NAALADL2: variants seen among roughly 807,000 people sequenced by gnomAD.
The protein encoded by NAALADL2 is N-acetylated alpha-linked acidic dipeptidase like 2, also known as inactive N-acetylated-alpha-linked acidic dipeptidase-like protein 2.
In NAALADL2, 76 loss-of-function variants were observed where a neutral mutation model predicts 87.2. The observed-to-expected ratio is 0.87, with a 90% CI of 0.72 to 1.05. The LOEUF is 1.05. Among genes scored for constraint, NAALADL2 ranks in the 50% least tolerant of loss-of-function variants. The pLI is 0.00. For missense variants in NAALADL2, 1,089 were observed against 945.8 expected, an observed-to-expected ratio of 1.15 and a Z score of -1.99; for synonymous variants, 354 against 331.0, an observed-to-expected ratio of 1.07 and a Z score of -0.75.
At chr3:175,267,033 G>T (rs1458978978) in intron 4 of NAALADL2, among the ~76,000 whole-genome samples, 1 of 104,872 alleles carries the variant, frequency 9.5e-6, no homozygotes, top group Non-Finnish European at 2.0e-5. Context: ...AGTAAAACTA[G>T]TAAAAAAAAA....
intron 5 of NAALADL2, among the ~76,000 whole-genome samples, chr3:175,345,278 C>A (rs556225969): frequency 6.9e-6 from 1 of 145,778 alleles, no homozygotes; most frequent in South Asian, 2.2e-4. Context: ...TTCCATGATT[C>A]CATGGAATCA....
At chr3:174,752,275 C>T (rs1438117517) in intron 3 of NAALADL2, among the ~76,000 whole-genome samples, 1 of 152,102 alleles carries the variant, frequency 6.6e-6, no homozygotes, top group Non-Finnish European at 1.5e-5. Flanking sequence ...CGCGCCCGGC[C>T]CAGATCTTTA....
intron 1 of NAALADL2, among the ~76,000 whole-genome samples, chr3:174,976,363 CAT>C (rs1392376340): frequency 1.3e-5 from 2 of 152,054 alleles, no homozygotes; most frequent in Non-Finnish European, 2.9e-5. Flanking sequence ...TTTAAGTACA[CAT>C]AAGTAAAACA....
chr3:175,008,043 G>T (rs1223073256), intron 1 of NAALADL2, among the ~76,000 whole-genome samples: 3 of 152,078 alleles, frequency 2.0e-5, no homozygotes, highest in Admixed American at 1.3e-4. Context: ...GATGGCTTGA[G>T]ATTTCATTAC....
intron 1 of NAALADL2, chr3:174,513,467 A>AATTTCATG (rs1429637011): frequency 3.9e-5 from 6 of 152,166 alleles, no homozygotes; most frequent in African/African-American, 1.4e-4. Flanking sequence ...ATTTCATGTA[A>AATTTCATG]ATTTCAAATA....
At chr3:175,764,718 A>G (rs1748463821) in intron 13 of NAALADL2, among the ~76,000 whole-genome samples, 1 of 152,180 alleles carries the variant, frequency 6.6e-6, no homozygotes, top group Non-Finnish European at 1.5e-5. Flanking sequence ...TAGGCAAGCA[A>G]TGAAATGAGA....
chr3:175,159,831 C>T (rs1225740128), intron 2 of NAALADL2, among the ~76,000 whole-genome samples: 2 of 150,528 alleles, frequency 1.3e-5, no homozygotes, highest in Non-Finnish European at 3.0e-5. Flanking sequence ...CTCTCTCTCT[C>T]TTTTCTTTTT....
chr3:175,370,987 A>T (rs1766406623), intron 5 of NAALADL2, among the ~76,000 whole-genome samples: 1 of 152,136 alleles, frequency 6.6e-6, no homozygotes, highest in Admixed American at 6.6e-5. Flanking sequence ...GAAATGTCTG[A>T]CAACACTGTT....
intron 1 of NAALADL2, among the ~76,000 whole-genome samples, chr3:174,961,982 A>C (rs1041573333): frequency 1.7e-5 from 2 of 120,572 alleles, no homozygotes; most frequent in Non-Finnish European, 4.3e-5. Context: ...GTGTGATGGC[A>C]TGTCACTTCT....
At chr3:174,614,070 T>C (rs1479132731) in intron 2 of NAALADL2, among the ~76,000 whole-genome samples, 1 of 152,118 alleles carries the variant, frequency 6.6e-6, no homozygotes, top group Non-Finnish European at 1.5e-5. Context: ...GGAGACAAAG[T>C]CCTCTTCACT....
intron 2 of NAALADL2, among the ~76,000 whole-genome samples, chr3:175,149,620 A>G (rs1381311805): frequency 6.6e-6 from 1 of 152,190 alleles, no homozygotes; most frequent in Non-Finnish European, 1.5e-5. Flanking sequence ...TTTGAGGATA[A>G]TTCATGACAC....
At chr3:174,698,043 A>G (rs1414917313) in intron 2 of NAALADL2, among the ~76,000 whole-genome samples, 1 of 152,178 alleles carries the variant, frequency 6.6e-6, no homozygotes, top group Non-Finnish European at 1.5e-5. Context: ...GTGAGCCAAG[A>G]TCCTGCCACT....
At chr3:175,452,496 T>C (rs1721729901) in intron 6 of NAALADL2, among the ~76,000 whole-genome samples, 1 of 152,170 alleles carries the variant, frequency 6.6e-6, no homozygotes, top group Non-Finnish European at 1.5e-5. Context: ...CCAATCAACA[T>C]GGAGGAAAAT....
intron 13 of NAALADL2, among the ~76,000 whole-genome samples, chr3:175,802,655 T>TAC (rs1172987213): frequency 1.6e-5 from 2 of 126,456 alleles, no homozygotes; most frequent in African/African-American, 7.2e-5. Flanking sequence ...GTATAATTTA[T>TAC]TTTTTTCTGT....
At chr3:175,667,241 A>AAGAAAGAGAGAG (rs1182682303) in intron 11 of NAALADL2, among the ~76,000 whole-genome samples, 1 of 91,716 alleles carries the variant, frequency 1.1e-5, no homozygotes, top group African/African-American at 5.1e-5. Flanking sequence ...GAAAGAAAGA[A>AAGAAAGAGAGAG]AAAGAAAGAA....
intron 2 of NAALADL2, among the ~76,000 whole-genome samples, chr3:174,712,086 C>T (rs528586138): frequency 3.3e-5 from 5 of 152,018 alleles, no homozygotes; most frequent in South Asian, 2.1e-4. Flanking sequence ...CGCGCCCTGG[C>T]CTAACATATG....
chr3:175,294,882 G>A (rs1247812582), intron 4 of NAALADL2, among the ~76,000 whole-genome samples: 2 of 152,086 alleles, frequency 1.3e-5, no homozygotes, highest in South Asian at 2.1e-4. Flanking sequence ...CATGTGAGTC[G>A]CTATAGTGCA....
chr3:175,506,793 C>G (rs915121543), intron 9 of NAALADL2, among the ~76,000 whole-genome samples: 1 of 152,128 alleles, frequency 6.6e-6, no homozygotes, highest in Non-Finnish European at 1.5e-5. Flanking sequence ...CATAAATATT[C>G]TTGTCATAAA....
rs913381735 is a variant in NAALADL2, at chr3:174,698,602, C to T, written c.-114-39039C>T. 5.6e-4 allele frequency among the ~76,000 whole-genome samples: 54 copies of T among 95,784 alleles called. 15 individuals carry two copies. The highest frequency in any genetic ancestry group is 3.8e-3 in the African/African-American group (53 of 13,800). The allele number at this position is 95,784 out of a possible 152,430, so 62.8% of individuals were successfully genotyped here. On this transcript the variant is annotated intron_variant, in intron 2 of 3. Coordinates refer to the NAALADL2 transcript ENST00000434257. ...TTTCATGGCCGGGCGCGGTGGCTCA[C>T]GCCTGTAATCCCAGCACTTTGGGAG...
Sources: gnomAD v4.1 joint callset for allele counts (sites outside exome capture counted in the v4.1 genomes callset) on GRCh38, gnomAD v4.1.1 for gene constraint, MANE v1.5 for transcripts, NCBI Gene and HGNC (gene_info 2026-07-23, HGNC 2026-07-21) for gene names.